The following GLI2 variants were observed in gnomAD, a reference collection of about 807,000 sequenced individuals.
GLI2 encodes the protein transcription activator GLI2.
In GLI2, 22 loss-of-function variants were observed where a neutral mutation model predicts 78.9. The ratio of observed to expected loss-of-function variants is 0.28; its 90% CI spans 0.20 to 0.40. The LOEUF (loss-of-function observed/expected upper bound fraction) is 0.40, where lower values mean the gene tolerates loss of function less well. GLI2 is among the 10% of genes least tolerant of loss of function. GLI2 has a pLI of 1.00. For missense variants in GLI2, 2,097 were observed against 2,213.2 expected (o/e 0.95, Z 1.05); for synonymous variants, 974 against 963.7 (o/e 1.01, Z -0.20).
chr2:120,987,899 G>C (rs1316876808), intron 13 of GLI2, among the ~76,000 whole-genome samples: 1 of 152,168 alleles, frequency 6.6e-6, no homozygotes, highest in Non-Finnish European at 1.5e-5. Context: ...GCCACCATTT[G>C]TTTACATATT....
At chr2:120,861,118 C>T (rs1295591279) in intron 2 of GLI2, among the ~76,000 whole-genome samples, 1 of 152,136 alleles carries the variant, frequency 6.6e-6, no homozygotes, top group East Asian at 1.9e-4. Flanking sequence ...GCCCATTTAC[C>T]CTCTGCAAGA....
intron 5 of GLI2, among the ~76,000 whole-genome samples, chr2:120,957,968 A>G (rs1183341987): frequency 6.6e-6 from 1 of 152,102 alleles, no homozygotes; most frequent in African/African-American, 2.4e-5. Context: ...CAGCACATGC[A>G]CCTGACCAAC....
chr2:120,980,394 G>A (rs1378457884), intron 10 of GLI2, among the ~76,000 whole-genome samples: 1 of 152,196 alleles, frequency 6.6e-6, no homozygotes, highest in African/African-American at 2.4e-5. Context: ...GATTAATAAT[G>A]TTAAACATCT....
At chr2:120,975,391 A>T (rs1170155814) in intron 9 of GLI2, among the ~76,000 whole-genome samples, 1 of 152,244 alleles carries the variant, frequency 6.6e-6, no homozygotes, top group Non-Finnish European at 1.5e-5. Flanking sequence ...CCAGGAATAG[A>T]GTTAGTATTA....
intron 1 of GLI2, among the ~76,000 whole-genome samples, chr2:120,794,134 G>A (rs1259977012): frequency 1.3e-5 from 2 of 152,214 alleles, no homozygotes; most frequent in Non-Finnish European, 2.9e-5. Flanking sequence ...CGGGGGTGTT[G>A]AGTAGGACAT....
chr2:120,836,583 G>A (rs1464217564), intron 2 of GLI2, among the ~76,000 whole-genome samples: 2 of 152,154 alleles, frequency 1.3e-5, no homozygotes, highest in Non-Finnish European at 2.9e-5. Context: ...TTCACAGCAG[G>A]GGTTTATAAA....
At chr2:120,764,126 TGACTCTCA>T (rs1207571806) in intron 1 of GLI2, among the ~76,000 whole-genome samples, 1 of 152,260 alleles carries the variant, frequency 6.6e-6, no homozygotes, top group Admixed American at 6.5e-5. Flanking sequence ...ACATGCCTGC[TGACTCTCA>T]GGGCTTCAGG....
At chr2:120,886,496 G>A (rs1219360632) in intron 2 of GLI2, among the ~76,000 whole-genome samples, 2 of 152,048 alleles carry the variant, frequency 1.3e-5, no homozygotes, top group Admixed American at 6.5e-5. Context: ...CGAACTCCTG[G>A]ACTCAAGTGA....
chr2:120,740,612 C>T (rs896854797), intron 1 of GLI2, among the ~76,000 whole-genome samples: 2 of 152,150 alleles, frequency 1.3e-5, no homozygotes, highest in African/African-American at 2.4e-5. Flanking sequence ...TCTGCAGCCC[C>T]GAGCTCGTCA....
At chr2:120,962,398 G>T (rs756378249) in intron 5 of GLI2, among the ~76,000 whole-genome samples, 3 of 152,232 alleles carry the variant, frequency 2.0e-5, no homozygotes, top group Non-Finnish European at 4.4e-5. Flanking sequence ...GACAGGGTCA[G>T]AGGCTTCCCT....
intron 2 of GLI2, among the ~76,000 whole-genome samples, chr2:120,881,998 G>A (rs185961567): frequency 6.6e-6 from 1 of 152,160 alleles, no homozygotes; most frequent in Non-Finnish European, 1.5e-5. Context: ...AATGTCATAG[G>A]GGACAACTAA....
At chr2:120,803,821 C>T (rs909845920) in intron 2 of GLI2, among the ~76,000 whole-genome samples, 10 of 152,208 alleles carry the variant, frequency 6.6e-5, no homozygotes, top group East Asian at 3.8e-4. Context: ...ATTTTTAATA[C>T]GCTTCACAGG....
chr2:120,804,907 AG>A (rs1179960542), intron 2 of GLI2, among the ~76,000 whole-genome samples: 1 of 152,218 alleles, frequency 6.6e-6, no homozygotes, highest in African/African-American at 2.4e-5. Context: ...GGGGTCAGGC[AG>A]ATCTGGGCTC....
intron 2 of GLI2, among the ~76,000 whole-genome samples, chr2:120,875,626 T>G (rs550926332): frequency 6.6e-6 from 1 of 152,352 alleles, no homozygotes; most frequent in South Asian, 2.1e-4. Context: ...CTGCAGACAG[T>G]ATTCCTCTTC....
At chr2:120,918,293 T>C (rs1679195277) in intron 2 of GLI2, among the ~76,000 whole-genome samples, 1 of 152,160 alleles carries the variant, frequency 6.6e-6, no homozygotes, top group South Asian at 2.1e-4. Context: ...TTCTATCTGA[T>C]ACATCTCAAT....
At chr2:120,908,810 G>T (rs1388012810) in intron 2 of GLI2, among the ~76,000 whole-genome samples, 1 of 152,200 alleles carries the variant, frequency 6.6e-6, no homozygotes, top group Non-Finnish European at 1.5e-5. Flanking sequence ...TTTGGTTTGG[G>T]AATCTTATTT....
In GLI2 at chr2:120,990,557, G is replaced by A. The variant is rs371304728; in HGVS notation, c.4592G>A (p.Arg1531Gln). The change falls in exon 14 of 14, where the codon CGA (arginine) becomes CAA (glutamine). Residue 1531 changes from arginine (R) to glutamine (Q), a missense_variant. By Grantham distance (43) the Arg-to-Gln change is conservative. Around this residue, in one of 5 missense-constraint regions of GLI2, gnomAD observed 1,290 missense variants for 1,261.7 expected, o/e 1.02. Transcript: ENST00000361492. The stretch of plus-strand genomic sequence containing the variant: ...AACTCCTCCCGCCTCACCACCCCCC[G>A]AAACTCCTTGACCCTGCCCTCCATC... Reference protein sequence around the residue: ...SQNSSRLTTPRNSLTLPSIPA... With the variant: ...SQNSSRLTTPQNSLTLPSIPA... The A allele has an allele frequency of 8.5e-5, 137 of 1,613,644 alleles. No homozygotes were observed. Among genetic ancestry groups the A allele is most frequent in the Non-Finnish European group, 1.1e-4 (131 of 1,179,966 alleles).
intron 2 of GLI2, among the ~76,000 whole-genome samples, chr2:120,916,336 G>A (rs951823617): frequency 1.3e-5 from 2 of 152,238 alleles, no homozygotes; most frequent in African/African-American, 2.4e-5. Context: ...CACTTCACTC[G>A]GTTCAGTGCC....
intron 2 of GLI2, among the ~76,000 whole-genome samples, chr2:120,886,270 T>C (rs1397895461): frequency 8.1e-6 from 1 of 123,028 alleles, no homozygotes; most frequent in Non-Finnish European, 1.6e-5. Context: ...TTGTTTTGTT[T>C]TGTTTTGTTT....
Sources: gnomAD v4.1 joint callset for allele counts (sites outside exome capture counted in the v4.1 genomes callset) on GRCh38, gnomAD v4.1.1 for gene constraint, gnomAD v4.1.1 regional missense constraint, MANE v1.5 for transcripts, NCBI Gene and HGNC (gene_info 2026-07-23, HGNC 2026-07-21) for gene names.